TRPM7: variants seen among roughly 807,000 people sequenced by gnomAD.
TRPM7 encodes the protein transient receptor potential cation channel subfamily M member 7.
Under a neutral mutation model 229.7 loss-of-function variants are expected in TRPM7, and 134 were observed. The ratio of observed to expected loss-of-function variants is 0.58; its 90% CI spans 0.51 to 0.67. The LOEUF is 0.67. TRPM7 is among the 30% of genes least tolerant of loss of function. TRPM7 has a pLI of 0.00. For missense variants in TRPM7, 1,901 were observed against 2,210.0 expected (o/e 0.86, Z 2.80); for synonymous variants, 699 against 715.2 (o/e 0.98, Z 0.36).
rs968827721 is a variant in TRPM7, at chr15:50,677,642, G to C, written c.3+8889C>G. Among the ~76,000 whole-genome samples the C allele has an allele frequency of 2.0e-5, 3 of 150,408 alleles. No individual in the cohort carries two copies. The Admixed American group carries it at 2.0e-4, about 10-fold the overall frequency. On this transcript the variant is annotated intron_variant, in intron 1 of 38. Coordinates refer to ENST00000646667, the MANE Select transcript of TRPM7 (RefSeq NM_017672.6). ...TAATCCCGGCTACTCAGGAGGCTGA[G>C]GCAGAAGAATTGCTTGAATCTGGGG...
chr15:50,610,635 ATT>A (rs1452969160), intron 17 of TRPM7, among the ~76,000 whole-genome samples: 1 of 152,166 alleles, frequency 6.6e-6, no homozygotes, highest in Non-Finnish European at 1.5e-5. Context: ...TTTTACCCAA[ATT>A]TTTAATCATA....
At chr15:50,634,168 A>G (rs2060817737) in intron 8 of TRPM7, among the ~76,000 whole-genome samples, 2 of 152,024 alleles carry the variant, frequency 1.3e-5, no homozygotes, top group African/African-American at 4.8e-5. Flanking sequence ...AAAAGATACA[A>G]AAATTAGCCA....
rs1414978863 is a variant in TRPM7, at chr15:50,591,957, GCAAA to G, written c.4274_4277del (p.Val1425AlafsTer16). ...TATTATCTCCTTCTGTAGCTTTAGA[GCAAA>G]CAGTTTCTTGATCTTTGGTTCCAGT... On this transcript the variant is annotated frameshift_variant, in exon 26 of 39. Coordinates refer to ENST00000646667, the MANE Select transcript of TRPM7 (RefSeq NM_017672.6). LOFTEE classifies it high-confidence loss of function. 1.2e-6 allele frequency: 2 copies of G among 1,600,402 alleles called. No homozygotes were observed. The highest frequency in any genetic ancestry group is 2.2e-5 in the East Asian group (1 of 44,764).
At chr15:50,619,145 A>C (rs527901912) in intron 13 of TRPM7, among the ~76,000 whole-genome samples, 2 of 152,196 alleles carry the variant, frequency 1.3e-5, no homozygotes, top group South Asian at 4.2e-4. Context: ...TTCTATCAAC[A>C]GTCTTTCTTT....
intron 27 of TRPM7, chr15:50,588,328 T>C: frequency 3.7e-6 from 2 of 534,744 alleles, no homozygotes; most frequent in African/African-American, 2.1e-5. Flanking sequence ...CAGGTAATCA[T>C]TACACCTCAA....
chr15:50,590,269 TTTTACTATTAATAAAAAAAA>T (rs1210437783), intron 26 of TRPM7, among the ~76,000 whole-genome samples: 6 of 152,242 alleles, frequency 3.9e-5, no homozygotes, highest in African/African-American at 1.4e-4. Context: ...GACCAAGCAT[TTTTACTATTAATAAAAAAAA>T]AAGCATTACA....
chr15:50,634,117 A>C (rs1249438889), intron 8 of TRPM7, among the ~76,000 whole-genome samples: 1 of 151,960 alleles, frequency 6.6e-6, no homozygotes, highest in Non-Finnish European at 1.5e-5. Flanking sequence ...TCAGGAGTTC[A>C]AGACTAGCCT....
At chr15:50,575,992 T>C in intron 31 of TRPM7, 73 bp from the exon 32 acceptor site, 4 of 1,439,884 alleles carry the variant, frequency 2.8e-6, no homozygotes, top group South Asian at 1.2e-5. Context: ...CCGGATAATC[T>C]CATAAAATCA....
intron 1 of TRPM7, among the ~76,000 whole-genome samples, chr15:50,673,575 T>C (rs1002190621): frequency 1.3e-5 from 2 of 152,150 alleles, no homozygotes; most frequent in African/African-American, 4.8e-5. Flanking sequence ...TCCAATCTCA[T>C]CCAGGTCACT....
In TRPM7 at chr15:50,589,591, C is replaced by G; in HGVS notation, c.4389+1G>C. 1 of 1,549,156 alleles carries G rather than the reference C, an allele frequency of 6.5e-7. No individual in the cohort carries two copies. The highest frequency in any genetic ancestry group is 8.9e-7 in the Non-Finnish European group (1 of 1,126,392). On this transcript the variant is annotated splice_donor_variant, in intron 27 of 38. Coordinates refer to ENST00000646667, the MANE Select transcript of TRPM7 (RefSeq NM_017672.6). LOFTEE classifies it high-confidence loss of function. ...GGGTGTTTTAATAAGGATTTACTTA[C>G]GGATAGTATTTTTATCTTGTTTGAT...
At chr15:50,582,980 A>T (rs570218029) in intron 29 of TRPM7, 109 bp downstream of exon 29, 60 of 760,780 alleles carry the variant, frequency 7.9e-5, no homozygotes, top group African/African-American at 6.5e-4. Flanking sequence ...CTTAAGAAAA[A>T]TTTTTTTGAA....
chr15:50,653,858 G>A (rs1309013686), intron 3 of TRPM7, among the ~76,000 whole-genome samples: 1 of 152,184 alleles, frequency 6.6e-6, no homozygotes, highest in Non-Finnish European at 1.5e-5. Flanking sequence ...CACTTGCTGT[G>A]TGTGGGTCTG....
intron 1 of TRPM7, among the ~76,000 whole-genome samples, chr15:50,679,540 T>TATATATATGTGTATATATATAATATA (rs1567129715): frequency 2.0e-5 from 1 of 49,542 alleles, no homozygotes; most frequent in African/African-American, 7.7e-5. Context: ...ATATATATAT[T>TATATATATGTGTATATATATAATATA]TTTTTTTTTT....
chr15:50,660,669 A>G (rs2061699487), intron 2 of TRPM7, among the ~76,000 whole-genome samples: 1 of 151,974 alleles, frequency 6.6e-6, no homozygotes, highest in South Asian at 2.1e-4. Context: ...TATACATACT[A>G]TTTTCTACTT....
chr15:50,635,317 A>AT (rs1491284005), intron 7 of TRPM7, among the ~76,000 whole-genome samples: 9 of 79,074 alleles, frequency 1.1e-4, no homozygotes, highest in Non-Finnish European at 1.3e-4. Flanking sequence ...ACTCCCTCAC[A>AT]TAAAAAAAAA....
intron 1 of TRPM7, among the ~76,000 whole-genome samples, chr15:50,672,886 G>A (rs1337506867): frequency 2.9e-5 from 3 of 104,556 alleles, no homozygotes; most frequent in Non-Finnish European, 5.2e-5. Context: ...GTGACAGAGT[G>A]AGACTCTGTC....
In TRPM7 at chr15:50,560,012, C is replaced by CAAAAAAAAAA; in HGVS notation, c.*1656_*1665dup. On this transcript the variant is annotated 3_prime_UTR_variant, in exon 39 of 39. Transcript: ENST00000646667. The stretch of plus-strand genomic sequence containing the variant: ...CAAGCAACAGAGCGAGACTCCGTCT[C>CAAAAAAAAAA]AAAAAAAAAAAAAAAAAAAAAAGTA... The CAAAAAAAAAA allele has an allele frequency of 1.3e-5, 1 of 79,830 alleles. No homozygotes were observed. Among genetic ancestry groups the CAAAAAAAAAA allele is most frequent in the Non-Finnish European group, 2.4e-5 (1 of 41,770 alleles). 4.9% of individuals were successfully genotyped at this position (79,830 alleles called of 1,614,324 possible).
chr15:50,632,305 T>A (rs973324227), intron 9 of TRPM7, among the ~76,000 whole-genome samples: 2 of 149,182 alleles, frequency 1.3e-5, no homozygotes, highest in Non-Finnish European at 3.0e-5. Context: ...AAAAAAAAAA[T>A]AAATAAAAAT....
chr15:50,622,026 G>A (rs758197705), intron 12 of TRPM7, among the ~76,000 whole-genome samples: 52 of 151,404 alleles, frequency 3.4e-4, no homozygotes, highest in African/African-American at 7.8e-4. Context: ...GCAAAACTGC[G>A]TCTCAAAAAA....
Sources: allele counts gnomAD v4.1 joint callset (sites outside exome capture counted in the v4.1 genomes callset), GRCh38; gene constraint gnomAD v4.1.1; transcripts MANE v1.5; gene names NCBI Gene and HGNC (gene_info 2026-07-23, HGNC 2026-07-21).